Variants in CUL3 observed in about 807,000 individuals in gnomAD.
CUL3 encodes cullin-3.
In CUL3, 19 loss-of-function variants were observed where a neutral mutation model predicts 89.1. The ratio of observed to expected loss-of-function variants is 0.21; its 90% CI spans 0.15 to 0.31. The LOEUF (loss-of-function observed/expected upper bound fraction) is 0.31, where lower values mean the gene tolerates loss of function less well. Ranked by LOEUF, CUL3 falls within the 10% of genes least tolerant of loss-of-function variation. CUL3 has a pLI of 1.00. For missense variants in CUL3, 469 were observed against 942.3 expected (o/e 0.50, Z 6.58); for synonymous variants, 351 against 308.4 (o/e 1.14, Z -1.45).
chr2:224,557,881 GAC>G, intron 1 of CUL3, 25 bp from the exon 2 acceptor site: 34 of 53,698 alleles, frequency 6.3e-4, no homozygotes, highest in South Asian at 2.1e-3. Context: ...AGAGAGAAGA[GAC>G]AAAAAAAAAA....
At chr2:224,475,333 C>A (rs182516491) in intron 15 of CUL3, among the ~76,000 whole-genome samples, 90 of 152,268 alleles carry the variant, frequency 5.9e-4, no homozygotes, top group Non-Finnish European at 6.6e-4. Flanking sequence ...ATGTTCTTAA[C>A]CCTGCAAAAT....
chr2:224,521,493 C>T (rs956282642), intron 3 of CUL3, among the ~76,000 whole-genome samples: 8 of 150,906 alleles, frequency 5.3e-5, no homozygotes, highest in African/African-American at 1.7e-4. Flanking sequence ...TGCAGTGGCA[C>T]GATCTCGGTT....
At chr2:224,581,818 C>A (rs1000735555) in intron 1 of CUL3, among the ~76,000 whole-genome samples, 1 of 151,828 alleles carries the variant, frequency 6.6e-6, no homozygotes, top group African/African-American at 2.4e-5. Flanking sequence ...CTTGCCCGGC[C>A]GAGTGCTTGA....
At position 224,506,050 on chromosome 2, in the gene CUL3, G is replaced by C. The variant is rs2106203325; in HGVS notation, c.1112C>G (p.Ala371Gly). 1 of 1,612,394 alleles carries C rather than the reference G, an allele frequency of 6.2e-7. No homozygotes were observed. The highest frequency in any genetic ancestry group is 8.5e-7 in the Non-Finnish European group (1 of 1,178,910). ...NNDRLFKQTI[A>G]GDFEYFLNLN... ...GTTGAGAAAATACTCAAAGTCACCC[G>C]CAATAGTTTGTTTAAAGAGACGGTC... Residue 371 changes from alanine to glycine, a missense_variant, in exon 8 of 16, where the codon GCG (alanine) becomes GGG (glycine). Physicochemically the swap from Ala to Gly is moderately conservative, Grantham distance 60 (BLOSUM62 0). Coordinates refer to ENST00000264414, the MANE Select transcript of CUL3 (RefSeq NM_003590.5).
At chr2:224,583,921 A>G (rs1173488353) in intron 1 of CUL3, among the ~76,000 whole-genome samples, 1 of 152,204 alleles carries the variant, frequency 6.6e-6, no homozygotes, top group Non-Finnish European at 1.5e-5. Context: ...GAAGACCAAG[A>G]TCTTTCTCTA....
At chr2:224,492,341 A>G (rs567781517) in intron 13 of CUL3, among the ~76,000 whole-genome samples, 1 of 152,166 alleles carries the variant, frequency 6.6e-6, no homozygotes, top group African/African-American at 2.4e-5. Flanking sequence ...CTATATTGTG[A>G]AGTTATGTCC....
chr2:224,525,931 C>T (rs1693456620), intron 3 of CUL3, among the ~76,000 whole-genome samples: 1 of 152,210 alleles, frequency 6.6e-6, no homozygotes, highest in African/African-American at 2.4e-5. Flanking sequence ...CATATCCTTA[C>T]AGATTCCATA....
chr2:224,529,560 C>A (rs1260092002), intron 3 of CUL3, among the ~76,000 whole-genome samples: 5 of 151,006 alleles, frequency 3.3e-5, no homozygotes, highest in Admixed American at 2.6e-4. Flanking sequence ...ACCCGGGAGG[C>A]GGAGCTTGCA....
At chr2:224,523,527 A>G (rs1323548342) in intron 3 of CUL3, among the ~76,000 whole-genome samples, 5 of 152,220 alleles carry the variant, frequency 3.3e-5, no homozygotes, top group Non-Finnish European at 7.3e-5. Flanking sequence ...AAAAATTACA[A>G]AAACAATTAA....
At chr2:224,584,775 G>A (rs1225986548) in intron 1 of CUL3, among the ~76,000 whole-genome samples, 169 bp downstream of exon 1, 4 of 146,400 alleles carry the variant, frequency 2.7e-5, no homozygotes, top group African/African-American at 7.4e-5. Flanking sequence ...CGGCCGCGCC[G>A]GGGCCCCGCG....
chr2:224,490,326 C>CT (rs1491306865), intron 13 of CUL3, among the ~76,000 whole-genome samples: 5 of 152,150 alleles, frequency 3.3e-5, no homozygotes, highest in African/African-American at 1.2e-4. Context: ...CTCTAACCCC[C>CT]TCTCTCTCTG....
At position 224,506,053 on chromosome 2, in the gene CUL3, A is replaced by G. The variant is rs1341844092; in HGVS notation, c.1109T>C (p.Ile370Thr). The change falls in exon 8 of 16, where the codon ATT (isoleucine) becomes ACT (threonine). Residue 370 changes from isoleucine to threonine, a missense_variant. This residue lies in a region of CUL3 where 370 missense variants were observed against 733.2 expected (regional missense o/e 0.50). Coordinates refer to ENST00000264414, the MANE Select transcript of CUL3 (RefSeq NM_003590.5). ...FNNDRLFKQT[I>T]AGDFEYFLNL... ...GAGAAAATACTCAAAGTCACCCGCA[A>G]TAGTTTGTTTAAAGAGACGGTCATT... 4 of 1,612,930 alleles carry G rather than the reference A, an allele frequency of 2.5e-6. No homozygotes were observed. The highest frequency in any genetic ancestry group is 1.6e-4 in the Middle Eastern group (1 of 6,078).
intron 1 of CUL3, among the ~76,000 whole-genome samples, chr2:224,581,508 CTTT>C (rs1260830752): frequency 2.9e-5 from 4 of 138,834 alleles, no homozygotes; most frequent in African/African-American, 2.6e-5. Flanking sequence ...TTTTTCTTTT[CTTT>C]TTTTTTTTTT....
intron 13 of CUL3, among the ~76,000 whole-genome samples, chr2:224,482,517 C>T (rs1206960065): frequency 6.6e-6 from 1 of 151,770 alleles, no homozygotes; most frequent in Non-Finnish European, 1.5e-5. Context: ...AGCCTGAGCT[C>T]AGGCCTTCTA....
At chr2:224,518,234 C>A (rs1693137308) in intron 3 of CUL3, among the ~76,000 whole-genome samples, 1 of 152,084 alleles carries the variant, frequency 6.6e-6, no homozygotes, top group Non-Finnish European at 1.5e-5. Flanking sequence ...AATATGTAAT[C>A]TTTGGTGTCT....
At chr2:224,543,820 C>A (rs1694200379) in intron 2 of CUL3, among the ~76,000 whole-genome samples, 1 of 151,974 alleles carries the variant, frequency 6.6e-6, no homozygotes, top group South Asian at 2.1e-4. Context: ...CTCATCTCCA[C>A]CAAAAATATA....
chr2:224,554,688 G>T (rs1266164598), intron 2 of CUL3, among the ~76,000 whole-genome samples: 1 of 152,184 alleles, frequency 6.6e-6, no homozygotes, highest in Non-Finnish European at 1.5e-5. Context: ...AAAAGCACTA[G>T]AACTGGGCCT....
chr2:224,527,843 A>C (rs761526997), intron 3 of CUL3, among the ~76,000 whole-genome samples: 5 of 152,172 alleles, frequency 3.3e-5, no homozygotes, highest in Non-Finnish European at 7.3e-5. Context: ...CACAGCAACC[A>C]TTTCAAAAAC....
At chr2:224,572,927 C>G (rs1695215954) in intron 1 of CUL3, among the ~76,000 whole-genome samples, 1 of 152,150 alleles carries the variant, frequency 6.6e-6, no homozygotes, top group African/African-American at 2.4e-5. Flanking sequence ...AAATGCATTT[C>G]TGTTCTTTAT....
Sources: gnomAD v4.1 joint callset for allele counts (sites outside exome capture counted in the v4.1 genomes callset) on GRCh38, gnomAD v4.1.1 for gene constraint, gnomAD v4.1.1 regional missense constraint, MANE v1.5 for transcripts, NCBI Gene and HGNC (gene_info 2026-07-23, HGNC 2026-07-21) for gene names.